AMOTL1: variants seen among roughly 807,000 people sequenced by gnomAD.
AMOTL1 encodes angiomotin like 1, also known as angiomotin-like protein 1.
AMOTL1 carries 45 observed loss-of-function variants against 102.9 expected under a neutral mutation model. The observed-to-expected ratio is 0.44, with a 90% CI of 0.34 to 0.56. The LOEUF is 0.56. Ranked by LOEUF, AMOTL1 falls within the 20% of genes least tolerant of loss-of-function variation. The pLI is 0.01. For synonymous variants in AMOTL1, 481 were observed against 484.7 expected (o/e 0.99, Z 0.10); for missense variants, 1,114 against 1,225.6 (o/e 0.91, Z 1.36).
At chr11:94,736,511 CAA>C (rs1050005938) in intron 2 of AMOTL1, among the ~76,000 whole-genome samples, 3 of 152,128 alleles carry the variant, frequency 2.0e-5, no homozygotes, top group Non-Finnish European at 4.4e-5. Context: ...CTCTGCCTCC[CAA>C]AGTGTTGTGA....
chr11:94,734,772 T>C (rs1950412016), intron 2 of AMOTL1, among the ~76,000 whole-genome samples: 2 of 152,126 alleles, frequency 1.3e-5, no homozygotes, highest in African/African-American at 4.8e-5. Flanking sequence ...CAAAGGGCAA[T>C]ACCAGGAAGG....
At chr11:94,797,140 C>A in intron 2 of AMOTL1, 2 of 438,332 alleles carry the variant, frequency 4.6e-6, no homozygotes, top group Non-Finnish European at 6.1e-6. Flanking sequence ...GCCGTATGTA[C>A]ACATGAAACA....
rs529131557 is a variant in AMOTL1 at position 94,865,988 on chromosome 11, A to G, written c.2308A>G (p.Lys770Glu). The change falls in exon 11 of 13, where the codon AAG (lysine) becomes GAG (glutamate). Residue 770 changes from lysine to glutamate, a missense_variant. By Grantham distance (56) the Lys-to-Glu change is moderately conservative. Coordinates refer to ENST00000433060, the MANE Select transcript of AMOTL1 (RefSeq NM_130847.3). ...AATCATAGAGAAAGATGCTATGATT[A>G]AGGTCCTGCAGCAGCGATCTCGTAA... ...AKIIEKDAMI[K>E]VLQQRSRKDA... 1.9e-6 allele frequency: 3 copies of G among 1,613,992 alleles called. No homozygotes were observed. Among genetic ancestry groups the G allele is most frequent in the South Asian group, 1.1e-5 (1 of 91,080 alleles).
intron 2 of AMOTL1, among the ~76,000 whole-genome samples, chr11:94,737,779 T>C (rs993750488): frequency 3.3e-5 from 5 of 152,314 alleles, no homozygotes; most frequent in Admixed American, 3.3e-4. Flanking sequence ...GGACTGATAA[T>C]TGGAATTGGC....
chr11:94,719,495 T>C (rs1950144008), intron 1 of AMOTL1, among the ~76,000 whole-genome samples: 1 of 151,974 alleles, frequency 6.6e-6, no homozygotes. Flanking sequence ...TTGTGCCCCA[T>C]AGATTTATAC....
chr11:94,742,627 C>T (rs1252071673), intron 3 of AMOTL1, among the ~76,000 whole-genome samples: 1 of 152,136 alleles, frequency 6.6e-6, no homozygotes. Context: ...GTTTTTTTCT[C>T]TTCAGCTCCC....
Position 94,828,735 on chromosome 11 carries a change from G to C in AMOTL1, c.1414-1315G>C, listed in dbSNP as rs952892470. On this transcript the variant is annotated intron_variant, in intron 4 of 12. Coordinates refer to ENST00000433060, the MANE Select transcript of AMOTL1 (RefSeq NM_130847.3). Reference sequence around the variant, plus strand: ...ATATTTATTATTTATAGGAGTCTTGGCAGGACTTTCTGATCTGGGCAGTTG... The same window carrying C: ...ATATTTATTATTTATAGGAGTCTTGCCAGGACTTTCTGATCTGGGCAGTTG... Among the ~76,000 whole-genome samples the C allele has an allele frequency of 2.6e-5, 4 of 152,270 alleles. No individual in the cohort carries two copies. The South Asian group carries it at 8.3e-4, about 32-fold the overall frequency.
At chr11:94,758,567 G>C (rs1437963839) in intron 3 of AMOTL1, among the ~76,000 whole-genome samples, 1 of 152,200 alleles carries the variant, frequency 6.6e-6, no homozygotes, top group Non-Finnish European at 1.5e-5. Context: ...GCAACAAAAG[G>C]CTACATCTCC....
At chr11:94,738,669 G>T (rs188105894) in intron 2 of AMOTL1, among the ~76,000 whole-genome samples, 3 of 152,276 alleles carry the variant, frequency 2.0e-5, no homozygotes, top group Non-Finnish European at 4.4e-5. Context: ...AAAGAGAGCA[G>T]AACATGGATT....
At chr11:94,861,929 A>G (rs949166694) in intron 9 of AMOTL1, among the ~76,000 whole-genome samples, 1 of 151,992 alleles carries the variant, frequency 6.6e-6, no homozygotes, top group Non-Finnish European at 1.5e-5. Context: ...GGAGAACCAG[A>G]CCCAGTCACA....
upstream of AMOTL1, among the ~76,000 whole-genome samples, chr11:94,767,145 C>G (rs1950864669): frequency 6.6e-6 from 1 of 152,184 alleles, no homozygotes; most frequent in Non-Finnish European, 1.5e-5. Context: ...GTTCACACAT[C>G]TTGTCTTCTT....
chr11:94,851,343 A>G (rs1393543351), intron 7 of AMOTL1, among the ~76,000 whole-genome samples: 1 of 152,208 alleles, frequency 6.6e-6, no homozygotes, highest in African/African-American at 2.4e-5. Context: ...TAATATTTCT[A>G]TTAAAGTAAA....
chr11:94,855,946 G>A (rs375367013), intron 8 of AMOTL1, among the ~76,000 whole-genome samples: 8 of 152,284 alleles, frequency 5.3e-5, no homozygotes, highest in African/African-American at 1.9e-4. Flanking sequence ...ATTTGTGTTC[G>A]GGAGCTGATG....
chr11:94,777,273 G>T (rs912479552), intron 1 of AMOTL1, among the ~76,000 whole-genome samples: 1 of 152,168 alleles, frequency 6.6e-6, no homozygotes. Flanking sequence ...TTATCTTCCC[G>T]TGGTATTGAC....
rs1250585740 is a variant in AMOTL1 at position 94,876,045 on chromosome 11, T to C, written c.*5250T>C. ...CAGAATTAGAATACTGCTCTCTCTA[T>C]ATTGAACTACATATACAGCGTTTTC... On this transcript the variant is annotated 3_prime_UTR_variant, in exon 13 of 13. Coordinates refer to ENST00000433060, the MANE Select transcript of AMOTL1 (RefSeq NM_130847.3). 1 of 152,670 alleles carries C rather than the reference T, an allele frequency of 6.6e-6. No individual in the cohort carries two copies. The highest frequency in any genetic ancestry group is 1.5e-5 in the Non-Finnish European group (1 of 68,046). 9.5% of individuals were successfully genotyped at this position (152,670 alleles called of 1,614,324 possible).
chr11:94,815,362 T>A (rs1169912503), intron 3 of AMOTL1, among the ~76,000 whole-genome samples: 18 of 151,858 alleles, frequency 1.2e-4, no homozygotes, highest in Admixed American at 9.2e-4. Context: ...AAAAAAAAAA[T>A]TTGTCTAATG....
At chr11:94,822,590 G>A (rs866095718) in intron 4 of AMOTL1, among the ~76,000 whole-genome samples, 97 of 152,308 alleles carry the variant, frequency 6.4e-4, no homozygotes, top group African/African-American at 2.0e-3. Flanking sequence ...TCAAGAGTAC[G>A]AGTTATTGTG....
At chr11:94,722,415 G>T (rs1049226804) in intron 1 of AMOTL1, among the ~76,000 whole-genome samples, 1 of 152,048 alleles carries the variant, frequency 6.6e-6, no homozygotes, top group Non-Finnish European at 1.5e-5. Context: ...AACTACTATT[G>T]TCATTTACTT....
intron 6 of AMOTL1, among the ~76,000 whole-genome samples, chr11:94,840,781 T>A (rs1490019796): frequency 1.3e-5 from 2 of 151,184 alleles, no homozygotes; most frequent in Non-Finnish European, 2.9e-5. Context: ...AATATAAGTA[T>A]ATACATGTTA....
Sources: allele counts gnomAD v4.1 joint callset (sites outside exome capture counted in the v4.1 genomes callset), GRCh38; gene constraint gnomAD v4.1.1; transcripts MANE v1.5; gene names NCBI Gene and HGNC (gene_info 2026-07-23, HGNC 2026-07-21).